Variants in ATL1 observed in about 807,000 individuals in gnomAD.
ATL1 encodes atlastin GTPase 1.
Under a neutral mutation model 75.5 loss-of-function variants are expected in ATL1, and 31 were observed. The ratio of observed to expected loss-of-function variants is 0.41; its 90% CI spans 0.31 to 0.55. The LOEUF is 0.55. Among genes scored for constraint, ATL1 ranks in the 20% least tolerant of loss-of-function variants. The pLI is 0.27. For synonymous variants in ATL1, 226 were observed against 233.3 expected (o/e 0.97, Z 0.28); for missense variants, 405 against 662.6 (o/e 0.61, Z 4.27).
chr14:50,597,093 C>T (rs1205152535), intron 6 of ATL1, among the ~76,000 whole-genome samples: 4 of 151,586 alleles, frequency 2.6e-5, no homozygotes, highest in East Asian at 1.9e-4. Context: ...ACCTGTAATT[C>T]CAGCTACTCC....
intron 1 of ATL1, among the ~76,000 whole-genome samples, chr14:50,548,289 T>C (rs1472313290): frequency 6.6e-6 from 1 of 152,150 alleles, no homozygotes; most frequent in Non-Finnish European, 1.5e-5. Context: ...CCTCAGCCCA[T>C]TGTACACCCT....
intron 6 of ATL1, among the ~76,000 whole-genome samples, chr14:50,599,085 ATAT>A (rs1160141855): frequency 4.0e-5 from 6 of 151,844 alleles, no homozygotes; most frequent in African/African-American, 1.5e-4. Flanking sequence ...AAATTGATGC[ATAT>A]TACTACATCA....
chr14:50,589,517 G>A (rs1872675319), intron 2 of ATL1, among the ~76,000 whole-genome samples: 1 of 152,138 alleles, frequency 6.6e-6, no homozygotes, highest in Non-Finnish European at 1.5e-5. Flanking sequence ...AAAGTAACTG[G>A]AGAAAGCTTC....
chr14:50,591,231 T>G (rs886683176), intron 3 of ATL1, among the ~76,000 whole-genome samples, 156 bp downstream of exon 3: 1 of 152,210 alleles, frequency 6.6e-6, no homozygotes, highest in African/African-American at 2.4e-5. Context: ...TTGTTTCCCT[T>G]TCTTGTGATC....
intron 6 of ATL1, among the ~76,000 whole-genome samples, chr14:50,601,093 G>A (rs1209474188): frequency 6.6e-6 from 1 of 152,136 alleles, no homozygotes; most frequent in Non-Finnish European, 1.5e-5. Context: ...GGGCAACAGA[G>A]TGAGACCGTA....
chr14:50,598,990 A>T (rs2140213365), intron 6 of ATL1, among the ~76,000 whole-genome samples: 1 of 142,518 alleles, frequency 7.0e-6, no homozygotes, highest in Admixed American at 7.0e-5. Context: ...CTATAAAGCT[A>T]ATAGAAGAAA....
At chr14:50,620,783 A>G in intron 9 of ATL1, 57 bp downstream of exon 9, 1 of 1,594,040 alleles carries the variant, frequency 6.3e-7, no homozygotes, top group Non-Finnish European at 8.6e-7. Flanking sequence ...ATTGGATCGT[A>G]ATTCCTATAA....
chr14:50,536,464 C>A (rs933090417), intron 1 of ATL1, among the ~76,000 whole-genome samples: 5 of 151,044 alleles, frequency 3.3e-5, no homozygotes, highest in Non-Finnish European at 7.4e-5. Flanking sequence ...AAAATTGTTA[C>A]CAGTAGAGTG....
chr14:50,574,931 G>GTATATATATA (rs1398197718), intron 1 of ATL1, among the ~76,000 whole-genome samples: 40 of 78,704 alleles, frequency 5.1e-4, no homozygotes, highest in Non-Finnish European at 6.3e-4. Context: ...GTGTGTGTGT[G>GTATATATATA]TGTGTGTATA....
intron 1 of ATL1, among the ~76,000 whole-genome samples, chr14:50,547,507 G>A (rs1289259025): frequency 2.0e-5 from 3 of 152,138 alleles, no homozygotes; most frequent in Non-Finnish European, 4.4e-5. Context: ...CTGTACACTT[G>A]CCCTAGCCCA....
At chr14:50,619,838 A>C (rs1276085535) in intron 8 of ATL1, among the ~76,000 whole-genome samples, 1 of 152,220 alleles carries the variant, frequency 6.6e-6, no homozygotes, top group East Asian at 1.9e-4. Context: ...GAAGGTGGGC[A>C]CGCTATGCAC....
intron 6 of ATL1, among the ~76,000 whole-genome samples, chr14:50,597,793 C>A (rs2039235071): frequency 6.6e-6 from 1 of 152,080 alleles, no homozygotes; most frequent in South Asian, 2.1e-4. Flanking sequence ...CTCTGGGATT[C>A]ACGCCATTCT....
chr14:50,630,571 A>G (rs949836631), intron 13 of ATL1, among the ~76,000 whole-genome samples: 1 of 152,218 alleles, frequency 6.6e-6, no homozygotes, highest in African/African-American at 2.4e-5. Flanking sequence ...GACTCTAGGC[A>G]TCCACGAAGG....
At chr14:50,576,494 T>G (rs2039007476) in intron 1 of ATL1, among the ~76,000 whole-genome samples, 1 of 152,194 alleles carries the variant, frequency 6.6e-6, no homozygotes, top group Admixed American at 6.5e-5. Context: ...GAATTGAAAC[T>G]GAGTTTAATT....
intron 1 of ATL1, among the ~76,000 whole-genome samples, chr14:50,574,826 CT>C (rs1220745519): frequency 1.3e-5 from 2 of 150,226 alleles, no homozygotes; most frequent in Non-Finnish European, 3.0e-5. Context: ...TGTCATGAAC[CT>C]CTATGTAAAT....
intron 5 of ATL1, among the ~76,000 whole-genome samples, chr14:50,595,262 C>A (rs930158546): frequency 6.6e-6 from 1 of 151,806 alleles, no homozygotes; most frequent in African/African-American, 2.4e-5. Flanking sequence ...AAAAATTAAC[C>A]CACATTCTAG....
chr14:50,566,209 A>G (rs1245904488), intron 1 of ATL1, among the ~76,000 whole-genome samples: 2 of 150,440 alleles, frequency 1.3e-5, no homozygotes, highest in Non-Finnish European at 2.9e-5. Flanking sequence ...GATTGGTCAG[A>G]CTGGTCTCAA....
chr14:50,565,285 A>T (rs1042791339), intron 1 of ATL1, among the ~76,000 whole-genome samples: 1 of 151,914 alleles, frequency 6.6e-6, no homozygotes, highest in African/African-American at 2.4e-5. Flanking sequence ...GTGAGACTCC[A>T]TCTCAAAATA....
intron 6 of ATL1, among the ~76,000 whole-genome samples, chr14:50,609,526 C>G (rs567152864): frequency 2.0e-5 from 3 of 152,016 alleles, no homozygotes; most frequent in Non-Finnish European, 4.4e-5. Context: ...ATCCCTGATG[C>G]ATTAAGAATC....
Sources: allele counts gnomAD v4.1 joint callset (sites outside exome capture counted in the v4.1 genomes callset), GRCh38; gene constraint gnomAD v4.1.1; transcripts MANE v1.5; gene names NCBI Gene and HGNC (gene_info 2026-07-23, HGNC 2026-07-21).